The following CHL1 variants were observed in gnomAD, a reference collection of about 807,000 sequenced individuals.
The protein encoded by CHL1 is cell adhesion molecule L1 like, also known as neural cell adhesion molecule L1-like protein.
In CHL1, 96 loss-of-function variants were observed where a neutral mutation model predicts 141.9. That is an observed-to-expected ratio of 0.68 (90% CI 0.57 to 0.80). The LOEUF (loss-of-function observed/expected upper bound fraction) is 0.80, where lower values mean the gene tolerates loss of function less well. Among genes scored for constraint, CHL1 ranks in the 30% least tolerant of loss-of-function variants. The pLI is 0.00. For missense variants in CHL1, 1,820 were observed against 1,457.2 expected (o/e 1.25, Z -4.05); for synonymous variants, 613 against 502.2 (o/e 1.22, Z -2.95).
chr3:268,842 T>C lies in CHL1; in HGVS notation c.-95+24150T>C, dbSNP rs944340780. 5.3e-5 allele frequency among the ~76,000 whole-genome samples: 8 copies of C among 152,348 alleles called. No individual in the cohort carries two copies. The East Asian group carries it at 1.5e-3, about 29-fold the overall frequency. ...GAGTTAGGTTTAAGAAATAATTCAC[T>C]CTACCTCTCTTCCAGTATTCGAGAA... On this transcript the variant is annotated intron_variant, in intron 2 of 27. Coordinates refer to ENST00000256509, the MANE Select transcript of CHL1 (RefSeq NM_006614.4).
intron 2 of CHL1, among the ~76,000 whole-genome samples, chr3:301,364 A>G (rs1698713303): frequency 6.6e-6 from 1 of 152,222 alleles, no homozygotes; most frequent in East Asian, 1.9e-4. Flanking sequence ...AAATATATAC[A>G]TCAGGAAAAT....
chr3:392,386 A>C (rs1165538366), intron 23 of CHL1, among the ~76,000 whole-genome samples: 1 of 152,226 alleles, frequency 6.6e-6, no homozygotes, highest in African/African-American at 2.4e-5. Flanking sequence ...TGGAGATGAT[A>C]TTGCAAGGAC....
At chr3:375,279 G>C (rs913342328) in intron 15 of CHL1, among the ~76,000 whole-genome samples, 3 of 152,040 alleles carry the variant, frequency 2.0e-5, no homozygotes, top group Non-Finnish European at 4.4e-5. Context: ...GACTGTTCAT[G>C]ACTGTAGGCA....
At chr3:388,864 A>T (rs893729940) in intron 19 of CHL1, among the ~76,000 whole-genome samples, 3 of 152,228 alleles carry the variant, frequency 2.0e-5, no homozygotes, top group African/African-American at 7.2e-5. Flanking sequence ...ATTCGTGGCC[A>T]TATTATTTTT....
chr3:328,260 G>T lies in CHL1; in HGVS notation c.291G>T (p.Glu97Asp). The change falls in exon 5 of 28, where the codon GAG becomes GAT. Residue 97 changes from glutamate (E) to aspartate (D), a missense_variant. Transcript: ENST00000256509. ...NNSGTFRIPN[E>D]GHISHFQGKY... ...CAGGAACATTCAGGATCCCAAACGAGGGGCACATATCTCACTTTCAAGGGA... is the reference window on the plus strand; with the variant it reads ...CAGGAACATTCAGGATCCCAAACGATGGGCACATATCTCACTTTCAAGGGA... 1 of 1,612,790 alleles carries T rather than the reference G, an allele frequency of 6.2e-7. No individual in the cohort carries two copies. The highest frequency in any genetic ancestry group is 8.5e-7 in the Non-Finnish European group (1 of 1,179,162).
At chr3:361,674 C>T (rs1704266501) in intron 12 of CHL1, 25 bp from the exon 13 acceptor site, 2 of 1,529,416 alleles carry the variant, frequency 1.3e-6, no homozygotes, top group African/African-American at 2.7e-5. Context: ...AAGTTTAAAA[C>T]TGCGTTTATG....
chr3:234,015 T>C (rs114742888), intron 1 of CHL1, among the ~76,000 whole-genome samples: 1 of 152,138 alleles, frequency 6.6e-6, no homozygotes, highest in African/African-American at 2.4e-5. Flanking sequence ...TAATATTATG[T>C]AGAGATAAAT....
rs1699518820 is a variant in CHL1 at position 207,194 on chromosome 3, TGCATAATATAAATA to T, written c.-175+10136_-175+10149del. 3.3e-5 allele frequency among the ~76,000 whole-genome samples: 5 copies of T among 152,368 alleles called. No individual in the cohort carries two copies. In the South Asian group the frequency reaches 1.0e-3, roughly 32 times the overall value. On this transcript the variant is annotated intron_variant, in intron 1 of 27. Transcript: ENST00000256509. ...CAAATGTTCATGTATTTTTAAGATATGCATAATATAAATAGCATTCTCAGATGCTGAGTGGCTCC... is the reference window on the plus strand; with the variant it reads ...CAAATGTTCATGTATTTTTAAGATATGCATTCTCAGATGCTGAGTGGCTCC...
chr3:239,597 A>T (rs4003414), intron 1 of CHL1, among the ~76,000 whole-genome samples: 76,647 of 146,316 alleles, frequency 0.52, 21,503 homozygotes, highest in Non-Finnish European at 0.62. Flanking sequence ...ATATATATAA[A>T]ATATATATAT....
chr3:211,896 C>T (rs1205752974), intron 1 of CHL1, among the ~76,000 whole-genome samples: 1 of 152,072 alleles, frequency 6.6e-6, no homozygotes. Flanking sequence ...AGGTATCAGT[C>T]CTCTTTAGCG....
At chr3:242,493 G>C (rs1294320736) in intron 1 of CHL1, among the ~76,000 whole-genome samples, 2 of 151,866 alleles carry the variant, frequency 1.3e-5, no homozygotes, top group Non-Finnish European at 2.9e-5. Flanking sequence ...CTACCTGGGA[G>C]GCTGAGGCAG....
chr3:302,759 T>A (rs1464299328), intron 2 of CHL1, among the ~76,000 whole-genome samples: 1 of 152,208 alleles, frequency 6.6e-6, no homozygotes, highest in Non-Finnish European at 1.5e-5. Context: ...TAGATCCCAT[T>A]TGTCAGTGTT....
intron 4 of CHL1, among the ~76,000 whole-genome samples, chr3:326,906 T>C (rs1701061856): frequency 6.6e-6 from 1 of 151,956 alleles, no homozygotes; most frequent in Non-Finnish European, 1.5e-5. Flanking sequence ...AGTGACCCAT[T>C]AACATGCTAA....
chr3:269,025 C>A (rs1180630716), intron 2 of CHL1, among the ~76,000 whole-genome samples: 2 of 152,120 alleles, frequency 1.3e-5, no homozygotes, highest in African/African-American at 4.8e-5. Flanking sequence ...CAGCTGCATG[C>A]AGAGATTAGC....
At chr3:351,669 T>C (rs1244882203) in intron 10 of CHL1, among the ~76,000 whole-genome samples, 2 of 152,128 alleles carry the variant, frequency 1.3e-5, no homozygotes, top group East Asian at 3.8e-4. Flanking sequence ...AAAACACCCA[T>C]TGTGCTTAAG....
intron 5 of CHL1, among the ~76,000 whole-genome samples, chr3:332,060 C>T (rs1701484900): frequency 6.6e-6 from 1 of 152,224 alleles, no homozygotes; most frequent in African/African-American, 2.4e-5. Flanking sequence ...TATGACCAAA[C>T]AATTCCGTTC....
chr3:385,257 C>T (rs929867567), intron 19 of CHL1, among the ~76,000 whole-genome samples: 1 of 152,114 alleles, frequency 6.6e-6, no homozygotes, highest in African/African-American at 2.4e-5. Context: ...CAGAGAAGCA[C>T]ATCATGTTCC....
intron 16 of CHL1, among the ~76,000 whole-genome samples, chr3:380,997 ACAT>A (rs1706962050): frequency 1.3e-5 from 2 of 152,190 alleles, no homozygotes; most frequent in South Asian, 4.1e-4. Flanking sequence ...CATTTGAGAT[ACAT>A]CATGTTTCCC....
At chr3:333,558 C>A (rs1401608563) in intron 5 of CHL1, among the ~76,000 whole-genome samples, 1 of 152,036 alleles carries the variant, frequency 6.6e-6, no homozygotes, top group Admixed American at 6.6e-5. Context: ...TTTTTATATA[C>A]ACGAAAAACT....
Sources: allele counts gnomAD v4.1 joint callset (sites outside exome capture counted in the v4.1 genomes callset), GRCh38; gene constraint gnomAD v4.1.1; transcripts MANE v1.5; gene names NCBI Gene and HGNC (gene_info 2026-07-23, HGNC 2026-07-21).